The following MTUS2 variants were observed in gnomAD, a reference collection of about 807,000 sequenced individuals.
MTUS2 encodes microtubule associated scaffold protein 2.
Under a neutral mutation model 114.1 loss-of-function variants are expected in MTUS2, and 40 were observed. The ratio of observed to expected loss-of-function variants is 0.35; its 90% confidence interval spans 0.27 to 0.46. MTUS2 has a LOEUF of 0.46. MTUS2 is among the 20% of genes least tolerant of loss of function. MTUS2 has a pLI of 1.00. For synonymous variants in MTUS2, 688 were observed against 672.0 expected (o/e 1.02, Z -0.37); for missense variants, 1,679 against 1,705.4 (o/e 0.98, Z 0.27).
intron 6 of MTUS2, among the ~76,000 whole-genome samples, chr13:29,312,475 A>G (rs1899813276): frequency 6.6e-6 from 1 of 152,220 alleles, no homozygotes; most frequent in Middle Eastern, 3.2e-3. Context: ...CTTAATACTA[A>G]ATAGACTACA....
At chr13:29,493,022 G>GT (rs1463935611) in intron 12 of MTUS2, among the ~76,000 whole-genome samples, 1 of 152,204 alleles carries the variant, frequency 6.6e-6, no homozygotes, top group African/African-American at 2.4e-5. Context: ...TATCCAAGGA[G>GT]TAACTGAGCT....
chr13:29,369,126 A>C (rs919119008), intron 8 of MTUS2, among the ~76,000 whole-genome samples: 3 of 151,986 alleles, frequency 2.0e-5, no homozygotes, highest in African/African-American at 7.2e-5. Flanking sequence ...GGGAAAAAAA[A>C]GGTTACAGAA....
chr13:29,182,218 C>T (rs1048434553), intron 5 of MTUS2, among the ~76,000 whole-genome samples: 2 of 152,212 alleles, frequency 1.3e-5, no homozygotes, highest in Admixed American at 6.5e-5. Flanking sequence ...CTCTTTCTCA[C>T]ACCCAGTATC....
rs373822197 is a variant in MTUS2, at chr13:29,389,568, T to A, written c.3117+30095T>A. On this transcript the variant is annotated intron_variant, in intron 8 of 15. Transcript: ENST00000612955. ...ATATGTATACACGTGTGTATATGTG[T>A]ACATATGTGTGTATACGTATACATA... Among the ~76,000 whole-genome samples the A allele has an allele frequency of 3.8e-5, 2 of 52,152 alleles. 1 individual carries two copies. The highest frequency in any genetic ancestry group is 8.1e-5 in the Non-Finnish European group (2 of 24,652). The allele number at this position is 52,152 out of a possible 152,430, so 34.2% of individuals were successfully genotyped here.
intron 4 of MTUS2, among the ~76,000 whole-genome samples, chr13:29,071,322 T>C (rs1284700719): frequency 6.6e-6 from 1 of 150,992 alleles, no homozygotes; most frequent in Non-Finnish European, 1.5e-5. Flanking sequence ...TTATAGCACA[T>C]TGTTCTTTAT....
At chr13:29,321,567 C>G (rs138019219) in intron 6 of MTUS2, among the ~76,000 whole-genome samples, 1 of 152,154 alleles carries the variant, frequency 6.6e-6, no homozygotes, top group African/African-American at 2.4e-5. Flanking sequence ...GTAAAACTTT[C>G]GATTTGAGTT....
intron 8 of MTUS2, among the ~76,000 whole-genome samples, chr13:29,370,336 T>TCTGTAG (rs1240457321): frequency 6.6e-6 from 1 of 151,924 alleles, no homozygotes; most frequent in African/African-American, 2.4e-5. Flanking sequence ...GTGGTGTGCA[T>TCTGTAG]CTGTAGTCAC....
intron 4 of MTUS2, among the ~76,000 whole-genome samples, chr13:29,082,219 A>C (rs1360407238): frequency 6.6e-6 from 1 of 152,180 alleles, no homozygotes; most frequent in Non-Finnish European, 1.5e-5. Flanking sequence ...CTGGAACCTG[A>C]CCATGCTGGC....
chr13:29,205,848 C>T (rs182776137), intron 5 of MTUS2, among the ~76,000 whole-genome samples: 5 of 152,208 alleles, frequency 3.3e-5, no homozygotes, highest in Non-Finnish European at 4.4e-5. Flanking sequence ...TTTGCAATTG[C>T]GAATTCTGCT....
chr13:28,901,280 T>C (rs950568961), intron 2 of MTUS2, among the ~76,000 whole-genome samples: 1 of 152,344 alleles, frequency 6.6e-6, no homozygotes, highest in East Asian at 1.9e-4. Context: ...TTCAAATATG[T>C]GGTTTGCAAA....
At chr13:28,981,224 G>T (rs752060469) in intron 2 of MTUS2, among the ~76,000 whole-genome samples, 1 of 152,048 alleles carries the variant, frequency 6.6e-6, no homozygotes, top group Non-Finnish European at 1.5e-5. Context: ...GTTAAATAAA[G>T]ATACTACTAA....
intron 5 of MTUS2, among the ~76,000 whole-genome samples, chr13:29,192,550 G>T (rs1184493797): frequency 6.6e-6 from 1 of 152,050 alleles, no homozygotes; most frequent in Non-Finnish European, 1.5e-5. Context: ...GATAGTAAAT[G>T]TTCCCAACAC....
chr13:29,185,760 C>T (rs575056288), intron 5 of MTUS2, among the ~76,000 whole-genome samples: 7 of 152,054 alleles, frequency 4.6e-5, no homozygotes, highest in South Asian at 2.1e-4. Flanking sequence ...TCAGATATTT[C>T]GTACAAGAAA....
intron 2 of MTUS2, among the ~76,000 whole-genome samples, chr13:28,866,624 GTTATC>G (rs1287214064): frequency 6.6e-6 from 1 of 152,136 alleles, no homozygotes; most frequent in African/African-American, 2.4e-5. Flanking sequence ...TTTTCATGTA[GTTATC>G]TTATCTTAAA....
intron 6 of MTUS2, among the ~76,000 whole-genome samples, chr13:29,291,562 C>T (rs1441279126): frequency 1.3e-5 from 2 of 152,226 alleles, no homozygotes; most frequent in East Asian, 3.9e-4. Flanking sequence ...TCCAGCAACC[C>T]CTGGTGGCTC....
At chr13:29,457,141 CAAAA>C (rs771743973) in intron 9 of MTUS2, among the ~76,000 whole-genome samples, 4 of 89,674 alleles carry the variant, frequency 4.5e-5, no homozygotes, top group Admixed American at 1.3e-4. Context: ...AGACTCCATT[CAAAA>C]AAAAAAAAAA....
intron 4 of MTUS2, among the ~76,000 whole-genome samples, chr13:29,093,478 G>A (rs117127773): frequency 4.8e-4 from 73 of 152,150 alleles, no homozygotes; most frequent in East Asian, 2.9e-3. Context: ...GAGTCTGATC[G>A]TTTATGATAA....
At chr13:29,455,862 T>A in intron 9 of MTUS2, among the ~76,000 whole-genome samples, 1 of 152,022 alleles carries the variant, frequency 6.6e-6, no homozygotes, top group East Asian at 1.9e-4. Flanking sequence ...ACACTGGTAG[T>A]CCCAGCTGCT....
intron 2 of MTUS2, among the ~76,000 whole-genome samples, chr13:28,945,850 T>C (rs1177887912): frequency 1.3e-5 from 2 of 152,222 alleles, no homozygotes; most frequent in Non-Finnish European, 2.9e-5. Context: ...ATTTTGTTTT[T>C]GTTGTGTTTG....
Sources: gnomAD v4.1 joint callset for allele counts (sites outside exome capture counted in the v4.1 genomes callset) on GRCh38, gnomAD v4.1.1 for gene constraint, MANE v1.5 for transcripts, NCBI Gene and HGNC (gene_info 2026-07-23, HGNC 2026-07-21) for gene names.